Variants in MACF1 observed in about 807,000 individuals in gnomAD.
MACF1 encodes the protein microtubule-actin cross-linking factor 1.
Under a neutral mutation model 854.8 loss-of-function variants are expected in MACF1, and 193 were observed. The ratio of observed to expected loss-of-function variants is 0.23; its 90% CI spans 0.20 to 0.25. The LOEUF is 0.25. Ranked by LOEUF, MACF1 falls within the 10% of genes least tolerant of loss-of-function variation. The probability of loss-of-function intolerance (pLI) is 1.00; values close to 1 mark genes in which losing one functional copy is unlikely to be tolerated. For missense variants in MACF1, 7,722 were observed against 8,929.1 expected (o/e 0.86, Z 5.45); for synonymous variants, 3,185 against 3,226.7 (o/e 0.99, Z 0.44).
At chr1:39,170,752 CATTT>C (rs1215519861) in intron 2 of MACF1, among the ~76,000 whole-genome samples, 1 of 152,186 alleles carries the variant, frequency 6.6e-6, no homozygotes, top group Admixed American at 6.5e-5. Context: ...TATATTCTAT[CATTT>C]AGAGGCATTT....
chr1:39,389,577 C>T (rs1201202541), intron 58 of MACF1, among the ~76,000 whole-genome samples: 1 of 151,878 alleles, frequency 6.6e-6, no homozygotes, highest in African/African-American at 2.4e-5. Context: ...CCAGGCTGGT[C>T]TCGATCTCCT....
In MACF1 at chr1:39,084,574, T is replaced by G. The variant is rs1201838791; in HGVS notation, c.220+136T>G. On this transcript the variant is annotated intron_variant, in intron 2 of 93. Coordinates refer to the MACF1 transcript ENST00000361689. This position sits in a 1 kb window ranked among gnomAD's most constrained non-coding sequence, Gnocchi z 5.2. ...GCAGCCATCATCTGATTTGTTATTA[T>G]TATTCTTGGAAAGACGTTGAAATAA... 7 of 740,734 alleles carry G rather than the reference T, an allele frequency of 9.5e-6. No homozygotes were observed. Among genetic ancestry groups the G allele is most frequent in the Non-Finnish European group, 1.5e-5 (7 of 463,686 alleles). 45.9% of individuals were successfully genotyped at this position (740,734 alleles called of 1,614,324 possible). A position where few individuals can be genotyped will look rare whatever the true frequency, so the allele number is the denominator to read the frequency against.
rs1646795920 is a variant in MACF1, at chr1:39,335,486, A to G, written c.8898A>G (p.Pro2966=). ...CGAGTGAGCAGGTTTTGCAGCAACC[A>G]ATGAATGCTCGGGTGAAAAGTAAGA... ...KLPSEQVLQQ[P]MNARVKSKRE... is the part of the protein sequence containing the mutation. Residue 2966 remains proline (P), a synonymous_variant, in exon 37 of 101, where the codon CCA becomes CCG. Transcript: ENST00000564288. 1.2e-6 allele frequency: 2 copies of G among 1,614,104 alleles called. No individual in the cohort carries two copies. Among genetic ancestry groups the G allele is most frequent in the Admixed American group, 1.7e-5 (1 of 60,006 alleles).
rs1225684153 is a variant in MACF1, at chr1:39,334,838, G to T, written c.8250G>T (p.Leu2750=). 94 of 1,614,144 alleles carry T rather than the reference G, an allele frequency of 5.8e-5. No homozygotes were observed. The highest frequency in any genetic ancestry group is 7.5e-5 in the Non-Finnish European group (88 of 1,180,018). ...VTLVEAIEKR[L]ISPELANMIQ... ...TAGTAGAAGCTATTGAGAAAAGACT[G>T]ATCAGCCCTGAACTGGCAAATATGA... The change falls in exon 37 of 101, where the codon CTG becomes CTT. Residue 2750 remains leucine, a synonymous_variant. Transcript: ENST00000564288.
chr1:39,336,949 T>G (rs1184171731), intron 37 of MACF1, among the ~76,000 whole-genome samples: 2 of 152,176 alleles, frequency 1.3e-5, no homozygotes, highest in African/African-American at 4.8e-5. Context: ...TTTTGGAAAT[T>G]TTGGTAAAAT....
chr1:39,152,773 G>GT (rs1309522604), intron 2 of MACF1, among the ~76,000 whole-genome samples: 1 of 151,884 alleles, frequency 6.6e-6, no homozygotes, highest in Admixed American at 6.6e-5. Context: ...TTTGAAAAAT[G>GT]TTTATTTTGC....
chr1:39,191,430 T>C (rs972656232), intron 2 of MACF1, among the ~76,000 whole-genome samples: 1 of 152,242 alleles, frequency 6.6e-6, no homozygotes, highest in Non-Finnish European at 1.5e-5. Context: ...GATTAGATAC[T>C]CCAGGAACAT....
intron 6 of MACF1, among the ~76,000 whole-genome samples, chr1:39,274,650 A>G (rs1278196578): frequency 1.3e-5 from 2 of 152,194 alleles, no homozygotes; most frequent in Non-Finnish European, 2.9e-5. Flanking sequence ...CCTAGAACCA[A>G]TTCTCCATGG....
chr1:39,284,060 C>T lies in MACF1; in HGVS notation c.916-6C>T, dbSNP rs1453190850. The T allele has an allele frequency of 6.2e-7, 1 of 1,613,152 alleles. No individual in the cohort carries two copies. Among genetic ancestry groups the T allele is most frequent in the South Asian group, 1.1e-5 (1 of 90,920 alleles). ...CAGGTGTGTGATGTTTACCTTCTGG[C>T]AATAGGAAGTGGACTCCAGGTGGCA... is the stretch of plus-strand genomic sequence containing the variant. On this transcript the variant is annotated splice_polypyrimidine_tract_variant and splice_region_variant and intron_variant, in intron 9 of 100. Coordinates refer to ENST00000564288, the MANE Select transcript of MACF1 (RefSeq NM_001394062.1).
chr1:39,168,142 G>A (rs1643901516), intron 2 of MACF1, among the ~76,000 whole-genome samples: 1 of 152,160 alleles, frequency 6.6e-6, no homozygotes. Context: ...TCTGGACAGG[G>A]CCTCTGTTTC....
chr1:39,244,114 T>C (rs1267481976), intron 2 of MACF1, among the ~76,000 whole-genome samples: 1 of 151,964 alleles, frequency 6.6e-6, no homozygotes, highest in African/African-American at 2.4e-5. Context: ...TTAAAAATTT[T>C]TTTTGGGGGG....
intron 20 of MACF1, among the ~76,000 whole-genome samples, chr1:39,297,230 G>A (rs1645942698): frequency 6.6e-6 from 1 of 152,040 alleles, no homozygotes; most frequent in African/African-American, 2.4e-5. Flanking sequence ...CTGGCCTTTT[G>A]CCCCTAAATT....
chr1:39,330,262 A>G (rs1646694918), intron 36 of MACF1, among the ~76,000 whole-genome samples: 1 of 152,180 alleles, frequency 6.6e-6, no homozygotes, highest in Non-Finnish European at 1.5e-5. Flanking sequence ...ATTTAGAGCC[A>G]TTGCCTTGGG....
At chr1:39,407,488 A>G (rs767262565) in intron 58 of MACF1, among the ~76,000 whole-genome samples, 13 of 152,252 alleles carry the variant, frequency 8.5e-5, no homozygotes, top group Non-Finnish European at 1.5e-4. Flanking sequence ...GGGTGTCAAG[A>G]CACAACCTAG....
At chr1:39,469,501 T>C (rs1644735393) in intron 96 of MACF1, 46 bp from the exon 97 acceptor site, 1 of 1,438,920 alleles carries the variant, frequency 6.9e-7, no homozygotes, top group African/African-American at 1.4e-5. Flanking sequence ...GTTTCTGCGT[T>C]TCCTGCCCTG....
intron 58 of MACF1, among the ~76,000 whole-genome samples, chr1:39,408,712 C>G (rs1460285157): frequency 6.6e-6 from 1 of 152,166 alleles, no homozygotes; most frequent in East Asian, 2.0e-4. Flanking sequence ...CCGCGCAGCC[C>G]AGACTCGCGC....
intron 6 of MACF1, among the ~76,000 whole-genome samples, chr1:39,278,717 A>G (rs1249306740): frequency 2.0e-5 from 3 of 152,180 alleles, no homozygotes; most frequent in Non-Finnish European, 4.4e-5. Flanking sequence ...TAGCCAGTGA[A>G]ATAGGTAGCT....
At chr1:39,408,214 C>T (rs971681531) in intron 58 of MACF1, among the ~76,000 whole-genome samples, 1 of 152,150 alleles carries the variant, frequency 6.6e-6, no homozygotes, top group Non-Finnish European at 1.5e-5. Flanking sequence ...CATTTTCTTC[C>T]GTCATTGATA....
intron 2 of MACF1, among the ~76,000 whole-genome samples, chr1:39,131,340 AT>A (rs754371197): frequency 0.021 from 2,768 of 128,812 alleles, 75 homozygotes; most frequent in African/African-American, 0.068. Context: ...CAGTTTTATT[AT>A]TTTTTTTTTT....
Sources: allele counts gnomAD v4.1 joint callset (sites outside exome capture counted in the v4.1 genomes callset), GRCh38; gene constraint gnomAD v4.1.1; non-coding constraint Gnocchi (gnomAD v3.1); transcripts MANE v1.5; gene names NCBI Gene and HGNC (gene_info 2026-07-23, HGNC 2026-07-21).